The following ANKRD45 variants were observed in gnomAD, a reference collection of about 807,000 sequenced individuals.
ANKRD45 encodes ankyrin repeat domain 45, also known as ankyrin repeat domain-containing protein 45.
A neutral mutation model predicts 28.1 loss-of-function variants in ANKRD45; 21 were observed. The observed-to-expected ratio is 0.75, with a 90% CI of 0.53 to 1.08. The LOEUF is 1.08. Ranked by LOEUF, ANKRD45 falls within the 50% of genes least tolerant of loss-of-function variation. The pLI is 0.00. For missense variants in ANKRD45, 261 were observed against 308.7 expected (o/e 0.85, Z 1.16); for synonymous variants, 86 against 103.9 (o/e 0.83, Z 1.05).
chr1:173,709,967 G>A, the ANKRD45 span, among the ~76,000 whole-genome samples: 3 of 152,082 alleles, frequency 2.0e-5, no homozygotes, highest in African/African-American at 7.2e-5. Context: ...TTCAATTACC[G>A]CAATCGTAAT....
chr1:173,651,076 A>G (rs949998719), intron 2 of ANKRD45, among the ~76,000 whole-genome samples: 1 of 152,012 alleles, frequency 6.6e-6, no homozygotes, highest in Non-Finnish European at 1.5e-5. Flanking sequence ...TCTTTTGCTG[A>G]GCAGAAGCTC....
At chr1:173,630,007 T>C (rs1318820034) in intron 3 of ANKRD45, among the ~76,000 whole-genome samples, 4 of 152,160 alleles carry the variant, frequency 2.6e-5, no homozygotes, top group Admixed American at 6.5e-5. Flanking sequence ...GAGAGTGGCA[T>C]GACATATTTA....
the ANKRD45 span, among the ~76,000 whole-genome samples, chr1:173,688,536 C>T: frequency 2.8e-4 from 36 of 128,402 alleles, no homozygotes; most frequent in African/African-American, 1.4e-3. Flanking sequence ...TCCTCTCTCT[C>T]CCTCTCTCTC....
the ANKRD45 span, among the ~76,000 whole-genome samples, chr1:173,713,734 A>G: frequency 6.6e-6 from 1 of 151,702 alleles, no homozygotes; most frequent in South Asian, 2.1e-4. Context: ...CCATACCCCT[A>G]TGACTGCACC....
At chr1:173,657,349 TC>T in intron 2 of ANKRD45, 2 of 300,968 alleles carry the variant, frequency 6.6e-6, no homozygotes, top group Non-Finnish European at 6.9e-6. Flanking sequence ...ATGCCTGTAA[TC>T]CCAGCTACTC....
chr1:173,684,479 T>C, the ANKRD45 span, among the ~76,000 whole-genome samples: 2 of 152,202 alleles, frequency 1.3e-5, no homozygotes, highest in Non-Finnish European at 2.9e-5. Flanking sequence ...AACCCACAGA[T>C]GCATGGTGTG....
At chr1:173,644,517 T>C (rs1337189296) in intron 3 of ANKRD45, among the ~76,000 whole-genome samples, 1 of 152,198 alleles carries the variant, frequency 6.6e-6, no homozygotes, top group African/African-American at 2.4e-5. Context: ...CTAAGACATA[T>C]TCGGTATAAT....
At chr1:173,660,782 G>A (rs1669740341) in intron 1 of ANKRD45, among the ~76,000 whole-genome samples, 3 of 152,168 alleles carry the variant, frequency 2.0e-5, no homozygotes, top group African/African-American at 7.2e-5. Flanking sequence ...CACTGAGTGA[G>A]CTTGGAAGTA....
At chr1:173,679,297 T>C in the ANKRD45 span, among the ~76,000 whole-genome samples, 11 of 152,116 alleles carry the variant, frequency 7.2e-5, no homozygotes, top group African/African-American at 2.7e-4. Flanking sequence ...CTTCAAACTA[T>C]ACTACAAGGC....
intron 5 of ANKRD45, among the ~76,000 whole-genome samples, chr1:173,613,565 C>CCCCA (rs1667307935): frequency 6.8e-6 from 1 of 146,982 alleles, no homozygotes; most frequent in African/African-American, 2.6e-5. Context: ...GGGGTCAGCC[C>CCCCA]CCCCCCCGGC....
chr1:173,671,413 A>G (rs532371036), upstream of ANKRD45, among the ~76,000 whole-genome samples: 3 of 152,272 alleles, frequency 2.0e-5, no homozygotes, highest in Admixed American at 6.5e-5. Context: ...GGTACATTCA[A>G]TTGGTAAGAG....
upstream of ANKRD45, among the ~76,000 whole-genome samples, chr1:173,674,189 T>A (rs917458481): frequency 6.6e-6 from 1 of 152,030 alleles, no homozygotes; most frequent in South Asian, 2.1e-4. Flanking sequence ...TTTTTTTGTA[T>A]TTTTTGTAGA....
At chr1:173,707,282 A>C in the ANKRD45 span, among the ~76,000 whole-genome samples, 1 of 151,520 alleles carries the variant, frequency 6.6e-6, no homozygotes, top group East Asian at 1.9e-4. Context: ...TTATGCAGTC[A>C]AATTAATCAA....
At chr1:173,671,716 C>CAA (rs775239271), upstream of ANKRD45, among the ~76,000 whole-genome samples, 2 of 128,812 alleles carry the variant, frequency 1.6e-5, no homozygotes, top group East Asian at 2.2e-4. Flanking sequence ...TAAAAAATAC[C>CAA]AAAAAAAAAA....
intron 1 of ANKRD45, among the ~76,000 whole-genome samples, chr1:173,664,193 G>A (rs183114022): frequency 6.6e-6 from 1 of 152,296 alleles, no homozygotes; most frequent in African/African-American, 2.4e-5. Context: ...TAGCTTGGGT[G>A]ACATATGTCC....
At chr1:173,645,733 TC>T (rs1300605907) in intron 3 of ANKRD45, among the ~76,000 whole-genome samples, 1 of 152,296 alleles carries the variant, frequency 6.6e-6, no homozygotes, top group East Asian at 1.9e-4. Flanking sequence ...GTCACCATCC[TC>T]CAACATGCCA....
chr1:173,618,124 CA>C (rs890141488), intron 5 of ANKRD45, among the ~76,000 whole-genome samples: 1 of 151,978 alleles, frequency 6.6e-6, no homozygotes, highest in African/African-American at 2.4e-5. Flanking sequence ...AAAAAGGCCT[CA>C]AAAAAACTCC....
chr1:173,691,391 A>G, the ANKRD45 span, among the ~76,000 whole-genome samples: 1 of 152,202 alleles, frequency 6.6e-6, no homozygotes, highest in South Asian at 2.1e-4. Flanking sequence ...AAATGTAATC[A>G]CAGGCGAGCC....
At chr1:173,649,987 A>G (rs1669108987) in intron 2 of ANKRD45, among the ~76,000 whole-genome samples, 1 of 152,206 alleles carries the variant, frequency 6.6e-6, no homozygotes, top group African/African-American at 2.4e-5. Context: ...TTGGGAAGAA[A>G]TTAAGAGAAA....
Sources: allele counts gnomAD v4.1 joint callset (sites outside exome capture counted in the v4.1 genomes callset), GRCh38; gene constraint gnomAD v4.1.1; transcripts MANE v1.5; gene names NCBI Gene and HGNC (gene_info 2026-07-23, HGNC 2026-07-21).